CPSF3: variants seen among roughly 807,000 people sequenced by gnomAD.
The protein encoded by CPSF3 is cleavage and polyadenylation specific factor 3.
A neutral mutation model predicts 84.1 loss-of-function variants in CPSF3; 57 were observed. The observed-to-expected ratio is 0.68, with a 90% CI of 0.55 to 0.85. The LOEUF is 0.85. CPSF3 is among the 40% of genes least tolerant of loss of function. CPSF3 has a pLI of 0.00. For synonymous variants in CPSF3, 275 were observed against 278.1 expected (o/e 0.99, Z 0.11); for missense variants, 522 against 838.8 (o/e 0.62, Z 4.66).
intron 12 of CPSF3, 50 bp from the exon 13 acceptor site, chr2:9,455,609 T>G (rs1293172698): frequency 8.0e-7 from 1 of 1,249,242 alleles, no homozygotes; most frequent in Non-Finnish European, 1.2e-6. Context: ...TCCTGGTATG[T>G]GTTTTGTAGG....
chr2:9,437,567 G>A (rs1680829155), intron 7 of CPSF3, among the ~76,000 whole-genome samples: 1 of 152,202 alleles, frequency 6.6e-6, no homozygotes, highest in African/African-American at 2.4e-5. Flanking sequence ...GTACTTCAGT[G>A]AGCATGTATA....
At chr2:9,467,933 G>A (rs1359139933) in intron 16 of CPSF3, 157 bp downstream of exon 16, 11 of 603,178 alleles carry the variant, frequency 1.8e-5, no homozygotes, top group Non-Finnish European at 3.2e-5. Context: ...AGAGGGGCTG[G>A]AACCGTTCCC....
chr2:9,437,438 T>A (rs1680825178), intron 7 of CPSF3, among the ~76,000 whole-genome samples: 2 of 151,942 alleles, frequency 1.3e-5, no homozygotes, highest in Admixed American at 1.3e-4. Flanking sequence ...AAAAAAACTA[T>A]ATGTACTCTG....
chr2:9,464,373 C>T (rs997337458), intron 15 of CPSF3, among the ~76,000 whole-genome samples: 2 of 151,714 alleles, frequency 1.3e-5, no homozygotes, highest in African/African-American at 2.4e-5. Flanking sequence ...TATATACACA[C>T]GTAAACTTTG....
At chr2:9,457,143 G>GTT in intron 14 of CPSF3, 116 bp downstream of exon 14, 1 of 473,784 alleles carries the variant, frequency 2.1e-6, no homozygotes, top group Non-Finnish European at 3.7e-6. Context: ...TTGTTGGAAA[G>GTT]TATATGTGTG....
chr2:9,431,529 A>ATTTT (rs759124668), intron 4 of CPSF3, among the ~76,000 whole-genome samples: 1 of 131,672 alleles, frequency 7.6e-6, no homozygotes, highest in Non-Finnish European at 1.6e-5. Context: ...AAATATACAT[A>ATTTT]TTTTTTTTTT....
chr2:9,459,314 G>A (rs1180757919), intron 14 of CPSF3, among the ~76,000 whole-genome samples: 7 of 152,096 alleles, frequency 4.6e-5, no homozygotes, highest in East Asian at 3.8e-4. Flanking sequence ...ACACTGTGTC[G>A]AAAGGAAGTG....
chr2:9,449,647 T>TG (rs1354824701), intron 11 of CPSF3, among the ~76,000 whole-genome samples: 1 of 151,544 alleles, frequency 6.6e-6, no homozygotes, highest in Non-Finnish European at 1.5e-5. Flanking sequence ...GAGGCTGAGG[T>TG]GGGAGGATGG....
At chr2:9,429,266 T>A (rs1187267722) in intron 2 of CPSF3, among the ~76,000 whole-genome samples, 1 of 152,224 alleles carries the variant, frequency 6.6e-6, no homozygotes, top group African/African-American at 2.4e-5. Context: ...TCACTTTGCT[T>A]CTCTAAGCCT....
intron 7 of CPSF3, among the ~76,000 whole-genome samples, chr2:9,436,774 A>AAAAAATAATAATAATAATAATAATAAT (rs139337028): frequency 7.0e-6 from 1 of 143,002 alleles, no homozygotes. Flanking sequence ...CCATCTCAAA[A>AAAAAATAATAATAATAATAATAATAAT]AATAATAATA....
At chr2:9,425,531 G>A (rs149379224) in intron 1 of CPSF3, among the ~76,000 whole-genome samples, 2,064 of 152,298 alleles carry the variant, frequency 0.014, 183 homozygotes, top group Admixed American at 0.12. Context: ...GAGAGAGTAT[G>A]CAAATGAGAT....
At chr2:9,466,246 ACGCG>A (rs879366083) in intron 15 of CPSF3, among the ~76,000 whole-genome samples, 20 of 147,030 alleles carry the variant, frequency 1.4e-4, no homozygotes, top group Admixed American at 4.0e-4. Context: ...GCGCGCACGC[ACGCG>A]CACACACGCA....
At chr2:9,438,927 C>T (rs780458255) in intron 7 of CPSF3, among the ~76,000 whole-genome samples, 1 of 152,084 alleles carries the variant, frequency 6.6e-6, no homozygotes, top group Non-Finnish European at 1.5e-5. Context: ...TATCATATGG[C>T]TAGAGCCATA....
chr2:9,471,379 T>C lies in CPSF3; in HGVS notation c.1893T>C (p.Asp631=), dbSNP rs765391500. ...GAGAAGACTGTGTAAGTGTAAAGGA[T>C]GACTCTATTCTTAGCGTCACAGTGG... ...IFGEDCVSVK[D]DSILSVTVDG... Residue 631 remains aspartate (D), a synonymous_variant, in exon 17 of 18, where the codon GAT becomes GAC. Transcript: ENST00000238112. The C allele has an allele frequency of 5.0e-6, 8 of 1,612,842 alleles. No homozygotes were observed. Among genetic ancestry groups the C allele is most frequent in the South Asian group, 3.3e-5 (3 of 91,062 alleles).
At chr2:9,452,416 T>C (rs73154788) in intron 11 of CPSF3, among the ~76,000 whole-genome samples, 4,936 of 152,224 alleles carry the variant, frequency 0.032, 262 homozygotes, top group African/African-American at 0.11. Flanking sequence ...AAAATGTTTC[T>C]CCCTCAATGT....
In CPSF3 at chr2:9,423,727, C is replaced by A; in HGVS notation, c.-47C>A. The A allele has an allele frequency of 1.9e-6, 3 of 1,604,012 alleles. No homozygotes were observed. The highest frequency in any genetic ancestry group is 2.6e-6 in the Non-Finnish European group (3 of 1,175,834). On this transcript the variant is annotated 5_prime_UTR_variant, in exon 1 of 18. Coordinates refer to ENST00000238112, the MANE Select transcript of CPSF3 (RefSeq NM_016207.4). ...TGGCTGTGCTTCCAATTTAGGAAGA[C>A]CCCGGCGACCTGTTCCTCACCCCCG... is the stretch of plus-strand genomic sequence containing the variant.
intron 12 of CPSF3, among the ~76,000 whole-genome samples, chr2:9,453,957 T>A (rs7604182): frequency 0.55 from 83,257 of 152,048 alleles, 23,779 homozygotes; most frequent in Middle Eastern, 0.68. Flanking sequence ...TTTTTTCCCA[T>A]AGTTGATACA....
At chr2:9,438,495 ATATT>A (rs1364680075) in intron 7 of CPSF3, among the ~76,000 whole-genome samples, 1 of 149,496 alleles carries the variant, frequency 6.7e-6, no homozygotes, top group Middle Eastern at 3.2e-3. Flanking sequence ...TATTTAATAT[ATATT>A]CTTTTTTTTT....
Position 9,429,918 on chromosome 2 carries a change from T to C in CPSF3, c.115-5T>C. On this transcript the variant is annotated splice_polypyrimidine_tract_variant and splice_region_variant and intron_variant, in intron 2 of 17. Transcript: ENST00000238112. Reference sequence around the variant, plus strand: ...GATTGTGATCTCTTTTCCTGTTTCTTTCAGCTCGACTGTGGGATCCACCCT... The same window carrying C: ...GATTGTGATCTCTTTTCCTGTTTCTCTCAGCTCGACTGTGGGATCCACCCT... The C allele has an allele frequency of 6.3e-7, 1 of 1,579,890 alleles. No homozygotes were observed. The highest frequency in any genetic ancestry group is 8.6e-7 in the Non-Finnish European group (1 of 1,163,094).
Sources: gnomAD v4.1 joint callset for allele counts (sites outside exome capture counted in the v4.1 genomes callset) on GRCh38, gnomAD v4.1.1 for gene constraint, MANE v1.5 for transcripts, NCBI Gene and HGNC (gene_info 2026-07-23, HGNC 2026-07-21) for gene names.